Variants in TMEM117 observed in about 807,000 individuals in gnomAD.
TMEM117 encodes transmembrane protein 117.
A neutral mutation model predicts 52.4 loss-of-function variants in TMEM117; 27 were observed. The ratio of observed to expected loss-of-function variants is 0.51; its 90% CI spans 0.38 to 0.71. The LOEUF (loss-of-function observed/expected upper bound fraction) is 0.71, where lower values mean the gene tolerates loss of function less well. TMEM117 is among the 30% of genes least tolerant of loss of function. The probability of loss-of-function intolerance (pLI) is 0.00; values close to 1 mark genes in which losing one functional copy is unlikely to be tolerated. For missense variants in TMEM117, 556 were observed against 630.5 expected (o/e 0.88, Z 1.26); for synonymous variants, 215 against 206.3 (o/e 1.04, Z -0.36).
chr12:44,071,622 A>G (rs1383926657), intron 3 of TMEM117, among the ~76,000 whole-genome samples: 2 of 152,178 alleles, frequency 1.3e-5, no homozygotes, highest in East Asian at 3.8e-4. Context: ...ATTTGGATCT[A>G]GTTGTGTTCT....
chr12:44,342,259 G>C (rs1592705827), intron 6 of TMEM117, among the ~76,000 whole-genome samples: 1 of 152,048 alleles, frequency 6.6e-6, no homozygotes, highest in Admixed American at 6.6e-5. Context: ...TTTTTCTGAA[G>C]TTAGCCAGCT....
chr12:44,230,960 C>A (rs12372218), intron 5 of TMEM117, among the ~76,000 whole-genome samples: 1 of 151,978 alleles, frequency 6.6e-6, no homozygotes, highest in Non-Finnish European at 1.5e-5. Context: ...TACACACATA[C>A]ACACATGTGT....
chr12:44,073,952 A>G (rs1328798887), intron 3 of TMEM117: 3 of 152,212 alleles, frequency 2.0e-5, no homozygotes, highest in African/African-American at 7.2e-5. Context: ...CATTTTGGAA[A>G]GGAAAAAGAA....
upstream of TMEM117, among the ~76,000 whole-genome samples, chr12:43,834,042 A>G (rs951254345): frequency 2.0e-5 from 3 of 151,782 alleles, no homozygotes; most frequent in South Asian, 2.1e-4. Context: ...GCAGTAGGCT[A>G]TAATTGTGCC....
chr12:44,185,474 G>C (rs985833885), intron 4 of TMEM117, among the ~76,000 whole-genome samples: 5 of 152,016 alleles, frequency 3.3e-5, no homozygotes, highest in Non-Finnish European at 7.4e-5. Flanking sequence ...TCTATAAAAA[G>C]CAGAACAGAA....
At chr12:44,304,658 G>C (rs840766) in intron 6 of TMEM117, among the ~76,000 whole-genome samples, 32,172 of 152,122 alleles carry the variant, frequency 0.21, 6,023 homozygotes, top group African/African-American at 0.51. Flanking sequence ...GGGCACCAGA[G>C]AGAGTCCTGA....
chr12:44,346,594 C>A (rs1951490606), intron 6 of TMEM117, among the ~76,000 whole-genome samples: 1 of 152,048 alleles, frequency 6.6e-6, no homozygotes. Flanking sequence ...CTGTGCGATC[C>A]CATGGTATAG....
intron 6 of TMEM117, among the ~76,000 whole-genome samples, chr12:44,306,533 C>T (rs994817013): frequency 6.6e-6 from 1 of 152,092 alleles, no homozygotes; most frequent in Admixed American, 6.6e-5. Context: ...CTATTGATAT[C>T]TTTCAATACT....
chr12:44,314,475 A>G (rs1951029332), intron 6 of TMEM117, among the ~76,000 whole-genome samples: 1 of 150,744 alleles, frequency 6.6e-6, no homozygotes, highest in Admixed American at 6.6e-5. Flanking sequence ...ACTTTTTGAT[A>G]TGCTGCTGGA....
At position 44,137,239 on chromosome 12, in the gene TMEM117, AG is replaced by A. The variant is rs1365378224; in HGVS notation, c.411-6283del. On this transcript the variant is annotated intron_variant, in intron 3 of 7. Transcript: ENST00000266534. ...ATAGTCAAAGTATTATGACAACACTAGGGAAGCGATAACTTTCAAAAGTAAT... is the reference window on the plus strand; with the variant it reads ...ATAGTCAAAGTATTATGACAACACTAGGAAGCGATAACTTTCAAAAGTAAT... 3.9e-5 allele frequency among the ~76,000 whole-genome samples: 6 copies of A among 152,276 alleles called. No individual in the cohort carries two copies. The East Asian group carries it at 1.2e-3, about 29-fold the overall frequency.
intron 4 of TMEM117, among the ~76,000 whole-genome samples, chr12:44,209,908 T>C (rs1949622139): frequency 4.6e-5 from 7 of 152,058 alleles, no homozygotes; most frequent in Admixed American, 4.6e-4. Flanking sequence ...AGAATTGATG[T>C]GCCTTCCACA....
intron 3 of TMEM117, among the ~76,000 whole-genome samples, chr12:43,986,600 A>C (rs77529899): frequency 0.011 from 1,729 of 152,250 alleles, 32 homozygotes; most frequent in African/African-American, 0.04. Context: ...ACTTCGTGGT[A>C]TTCCTAAATT....
At chr12:44,390,480 A>ATGAC (rs1302913341), downstream of TMEM117, among the ~76,000 whole-genome samples, 1 of 152,152 alleles carries the variant, frequency 6.6e-6, no homozygotes, top group African/African-American at 2.4e-5. Flanking sequence ...ATCAATATGC[A>ATGAC]TGACTTATAA....
chr12:44,248,962 C>T (rs1290272969), intron 5 of TMEM117: 3 of 152,354 alleles, frequency 2.0e-5, no homozygotes, highest in African/African-American at 7.2e-5. Context: ...TGCTCAGGCT[C>T]ATCTTTTGTG....
intron 3 of TMEM117, 112 bp downstream of exon 3, chr12:43,944,454 C>G (rs1357530165): frequency 1.3e-5 from 13 of 1,022,700 alleles, no homozygotes; most frequent in Non-Finnish European, 4.2e-6. Context: ...ATATTCTACC[C>G]TAAGAAGAAG....
At chr12:44,367,226 C>A (rs182245112) in intron 6 of TMEM117, among the ~76,000 whole-genome samples, 1 of 152,080 alleles carries the variant, frequency 6.6e-6, no homozygotes, top group Non-Finnish European at 1.5e-5. Context: ...ATTTCCTCTA[C>A]TTCTCACCTC....
chr12:44,351,376 T>C (rs1951559902), intron 6 of TMEM117, among the ~76,000 whole-genome samples: 1 of 152,032 alleles, frequency 6.6e-6, no homozygotes, highest in Non-Finnish European at 1.5e-5. Flanking sequence ...ATCCCGTCTT[T>C]CTATTTTTGC....
rs1017629533 is a variant in TMEM117, at chr12:44,083,245, A to C, written c.411-60280A>C. On this transcript the variant is annotated intron_variant, in intron 3 of 7. Coordinates refer to ENST00000266534, the MANE Select transcript of TMEM117 (RefSeq NM_032256.3). ...CAAATGTTCAACTTGGATATTGAACATTTATGTTCAGTAACATAAATAACA... is the reference window on the plus strand; with the variant it reads ...CAAATGTTCAACTTGGATATTGAACCTTTATGTTCAGTAACATAAATAACA... 3.3e-5 allele frequency among the ~76,000 whole-genome samples: 5 copies of C among 152,290 alleles called. No homozygotes were observed. The East Asian group carries it at 9.6e-4, about 29-fold the overall frequency.
At chr12:43,899,579 C>T (rs1285123791) in intron 2 of TMEM117, among the ~76,000 whole-genome samples, 1 of 152,084 alleles carries the variant, frequency 6.6e-6, no homozygotes, top group African/African-American at 2.4e-5. Context: ...CTCAGTAAGC[C>T]ACTTCAATTA....
Sources: gnomAD v4.1 joint callset for allele counts (sites outside exome capture counted in the v4.1 genomes callset) on GRCh38, gnomAD v4.1.1 for gene constraint, MANE v1.5 for transcripts, NCBI Gene and HGNC (gene_info 2026-07-23, HGNC 2026-07-21) for gene names.